Variants in GREB1L observed in about 807,000 individuals in gnomAD.
GREB1L encodes the protein GREB1-like protein.
In GREB1L, 17 loss-of-function variants were observed where a neutral mutation model predicts 200.8. The observed-to-expected ratio is 0.08, with a 90% confidence interval of 0.06 to 0.13. GREB1L has a LOEUF of 0.13. Ranked by LOEUF, GREB1L falls within the 10% of genes least tolerant of loss-of-function variation. The probability of loss-of-function intolerance (pLI) is 1.00; values close to 1 mark genes in which losing one functional copy is unlikely to be tolerated. For synonymous variants in GREB1L, 789 were observed against 893.0 expected (o/e 0.88, Z 2.08); for missense variants, 1,657 against 2,367.7 (o/e 0.70, Z 6.23).
Position 21,518,110 on chromosome 18 carries a change from C to A in GREB1L, c.5348C>A (p.Ala1783Asp). Residue 1783 changes from alanine (A) to aspartate (D), a missense_variant, in exon 31 of 33, where the codon GCC becomes GAC. Coordinates refer to ENST00000424526, the MANE Select transcript of GREB1L (RefSeq NM_001142966.3). Reference protein sequence around the residue: ...APDSEHTLLAAPAQFLLEKFL... With the variant: ...APDSEHTLLADPAQFLLEKFL... ...GACAGTGAACACACACTACTGGCAG[C>A]CCCTGCACAGTTTCTCCTGGAGAAA... 6.4e-7 allele frequency: 1 copy of A among 1,551,560 alleles called. No individual in the cohort carries two copies. The highest frequency in any genetic ancestry group is 8.7e-7 in the Non-Finnish European group (1 of 1,146,888).
chr18:21,500,358 C>G, intron 22 of GREB1L, 52 bp downstream of exon 22: 1 of 895,024 alleles, frequency 1.1e-6, no homozygotes. Flanking sequence ...GGCGCGTCTT[C>G]CTCAAGAAGT....
At chr18:21,309,260 T>C (rs2038753065) in intron 1 of GREB1L, among the ~76,000 whole-genome samples, 1 of 152,216 alleles carries the variant, frequency 6.6e-6, no homozygotes, top group Admixed American at 6.5e-5. Context: ...CCTTAGGCTG[T>C]AGACTTTTCC....
At chr18:21,293,273 T>C (rs974796859) in intron 1 of GREB1L, among the ~76,000 whole-genome samples, 3 of 152,122 alleles carry the variant, frequency 2.0e-5, no homozygotes, top group African/African-American at 7.2e-5. Context: ...GGTTCTACGA[T>C]TAAGGAGCAA....
chr18:21,384,379 C>G lies in GREB1L; in HGVS notation c.331C>G (p.Pro111Ala), dbSNP rs2040449307. ...PPIPYSQKPA[P>A]EGSCTTDGFC... Reference sequence around the variant, plus strand: ...AATTCCCTATTCACAAAAACCTGCCCCAGAAGGATCTTGCACTACAGATGG... The same window carrying G: ...AATTCCCTATTCACAAAAACCTGCCGCAGAAGGATCTTGCACTACAGATGG... The change falls in exon 4 of 33, where the codon CCA (proline) becomes GCA (alanine). Residue 111 changes from proline to alanine, a missense_variant. Coordinates refer to ENST00000424526, the MANE Select transcript of GREB1L (RefSeq NM_001142966.3). The G allele has an allele frequency of 6.4e-7, 1 of 1,551,292 alleles. No homozygotes were observed. Among genetic ancestry groups the G allele is most frequent in the African/African-American group, 1.4e-5 (1 of 72,974 alleles).
At chr18:21,455,643 G>T (rs2034723563) in intron 15 of GREB1L, among the ~76,000 whole-genome samples, 1 of 151,218 alleles carries the variant, frequency 6.6e-6, no homozygotes, top group African/African-American at 2.4e-5. Flanking sequence ...AGACACTGCA[G>T]TCCAGTCTGG....
At chr18:21,285,023 A>G (rs1251746214) in intron 1 of GREB1L, among the ~76,000 whole-genome samples, 1 of 151,968 alleles carries the variant, frequency 6.6e-6, no homozygotes, top group African/African-American at 2.4e-5. Flanking sequence ...TTTTGATCAT[A>G]TTTGCCTTTT....
At position 21,496,710 on chromosome 18, in the gene GREB1L, C is replaced by A. The variant is rs1478490083; in HGVS notation, c.3391+12C>A. ...CACAGGGACCTCGGGTCAGTACTTT[C>A]TTTTCTCTTTCATGGAGTGAGAGAC... On this transcript the variant is annotated intron_variant, in intron 21 of 32. Transcript: ENST00000424526. 1.9e-6 allele frequency: 3 copies of A among 1,549,964 alleles called. No individual in the cohort carries two copies. Among genetic ancestry groups the A allele is most frequent in the Non-Finnish European group, 2.6e-6 (3 of 1,146,636 alleles).
intron 10 of GREB1L, among the ~76,000 whole-genome samples, chr18:21,443,742 C>T (rs779178191): frequency 6.6e-6 from 1 of 152,148 alleles, no homozygotes; most frequent in Non-Finnish European, 1.5e-5. Flanking sequence ...CATATCAAAT[C>T]GAATATCCTC....
rs530401479 is a variant in GREB1L at position 21,323,856 on chromosome 18, A to T, written c.-119-42171A>T. 3.9e-5 allele frequency among the ~76,000 whole-genome samples: 6 copies of T among 152,304 alleles called. No individual in the cohort carries two copies. The South Asian group carries it at 1.2e-3, about 32-fold the overall frequency. On this transcript the variant is annotated intron_variant, in intron 1 of 32. Transcript: ENST00000424526. ...TGTTGGTGGGATTATAAATTAATAT[A>T]ATTTCTGTGGACAGTAATTTAGTAA...
At position 21,384,406 on chromosome 18, in the gene GREB1L, G is replaced by A. The variant is rs1428339269; in HGVS notation, c.355+3G>A. ...AGAAGGATCTTGCACTACAGATGGT[G>A]GGTTTCAGTTGTGTTTTCTTTTTGC... On this transcript the variant is annotated splice_donor_region_variant and intron_variant, in intron 4 of 32. Transcript: ENST00000424526. 5 of 1,540,226 alleles carry A rather than the reference G, an allele frequency of 3.2e-6. No homozygotes were observed. Among genetic ancestry groups the A allele is most frequent in the South Asian group, 1.2e-5 (1 of 81,614 alleles).
chr18:21,446,150 G>A (rs1340767489), intron 11 of GREB1L, among the ~76,000 whole-genome samples: 8 of 152,018 alleles, frequency 5.3e-5, no homozygotes, highest in Admixed American at 1.3e-4. Flanking sequence ...TCAGCCTCCC[G>A]AGTAGCTGGG....
intron 1 of GREB1L, among the ~76,000 whole-genome samples, chr18:21,331,057 GT>G (rs901581952): frequency 6.6e-6 from 1 of 152,104 alleles, no homozygotes; most frequent in African/African-American, 2.4e-5. Context: ...CATCTGCGGA[GT>G]TTTTTTCTGG....
At chr18:21,486,681 G>C (rs1481834526) in intron 18 of GREB1L, among the ~76,000 whole-genome samples, 1 of 152,016 alleles carries the variant, frequency 6.6e-6, no homozygotes, top group African/African-American at 2.4e-5. Context: ...AACTCTGAAA[G>C]AGTTTTTTTC....
intron 1 of GREB1L, among the ~76,000 whole-genome samples, chr18:21,268,494 TATATAC>T (rs1335590344): frequency 1.4e-5 from 2 of 138,022 alleles, no homozygotes; most frequent in South Asian, 4.7e-4. Flanking sequence ...TGTGTGTATA[TATATAC>T]ATATATATAT....
rs753808481 is a variant in GREB1L, at chr18:21,442,778, C to CT, written c.1207+1258dup. Among the ~76,000 whole-genome samples, 273 of 129,292 alleles carry CT rather than the reference C, an allele frequency of 2.1e-3. 1 individual carries two copies. The highest frequency in any genetic ancestry group is 5.0e-3 in the South Asian group (20 of 4,020). 84.8% of individuals were successfully genotyped at this position (129,292 alleles called of 152,430 possible). On this transcript the variant is annotated intron_variant, in intron 10 of 32. Transcript: ENST00000424526. ...GCTATTAATCAATGAATTTAGCTTA[C>CT]TTTTTTTTTTTTTTTTTAAAGAAAA...
intron 19 of GREB1L, among the ~76,000 whole-genome samples, chr18:21,493,901 T>C (rs1162296339): frequency 2.4e-5 from 2 of 83,570 alleles, no homozygotes; most frequent in Non-Finnish European, 4.9e-5. Context: ...AAAGTCCTCA[T>C]ACAGTAAAAC....
chr18:21,499,939 C>A lies in GREB1L; in HGVS notation c.3602C>A (p.Pro1201Gln). Reference sequence around the variant, plus strand: ...ATGGCGAGCAGCACCACCTCCAAGCCGTCATCATCATCCTCAGGACCCAGG... The same window carrying A: ...ATGGCGAGCAGCACCACCTCCAAGCAGTCATCATCATCCTCAGGACCCAGG... ...PQMASSTTSK[P>Q]SSSSSGPRTL... The change falls in exon 22 of 33, where the codon CCG becomes CAG. Residue 1201 changes from proline to glutamine, a missense_variant. By Grantham distance (76) the Pro-to-Gln change is moderately conservative. Transcript: ENST00000424526. 1 of 1,550,322 alleles carries A rather than the reference C, an allele frequency of 6.5e-7. No individual in the cohort carries two copies.
At chr18:21,299,283 A>C (rs1398540173) in intron 1 of GREB1L, among the ~76,000 whole-genome samples, 1 of 151,890 alleles carries the variant, frequency 6.6e-6, no homozygotes, top group Non-Finnish European at 1.5e-5. Context: ...AGTCTCGAAA[A>C]AAAAAAAAAA....
intron 19 of GREB1L, among the ~76,000 whole-genome samples, chr18:21,493,710 A>G (rs9962995): frequency 0.48 from 73,221 of 151,242 alleles, 21,181 homozygotes; most frequent in Non-Finnish European, 0.65. Flanking sequence ...TACTAAAAAT[A>G]CAAAAATTAG....
Sources: gnomAD v4.1 joint callset for allele counts (sites outside exome capture counted in the v4.1 genomes callset) on GRCh38, gnomAD v4.1.1 for gene constraint, MANE v1.5 for transcripts, NCBI Gene and HGNC (gene_info 2026-07-23, HGNC 2026-07-21) for gene names.